The following CBFA2T3 variants were observed in gnomAD, a reference collection of about 807,000 sequenced individuals.
CBFA2T3 encodes the protein CBFA2/RUNX1 partner transcriptional co-repressor 3.
In CBFA2T3, 31 loss-of-function variants were observed where a neutral mutation model predicts 58.6. That is an observed-to-expected ratio of 0.53 (90% CI 0.40 to 0.71). CBFA2T3 has a LOEUF of 0.71. Ranked by LOEUF, CBFA2T3 falls within the 30% of genes least tolerant of loss-of-function variation. The pLI, the probability that CBFA2T3 is intolerant of heterozygous loss-of-function variation, is 0.00. For missense variants in CBFA2T3, 1,076 were observed against 963.1 expected, an observed-to-expected ratio of 1.12 and a Z score of -1.55; for synonymous variants, 531 against 421.9, an observed-to-expected ratio of 1.26 and a Z score of -3.17.
intron 1 of CBFA2T3, among the ~76,000 whole-genome samples, chr16:88,935,261 G>A (rs149525721): frequency 1.3e-5 from 2 of 152,198 alleles, no homozygotes; most frequent in Non-Finnish European, 2.9e-5. Context: ...TGTCCACTGC[G>A]CTCTGAGTAC....
chr16:88,896,453 G>C (rs769865018), intron 3 of CBFA2T3, among the ~76,000 whole-genome samples: 4 of 152,132 alleles, frequency 2.6e-5, no homozygotes, highest in Admixed American at 6.5e-5. Flanking sequence ...CCCTCTTCTG[G>C]GGGGACAGTG....
chr16:88,892,786 G>A (rs1031325947), intron 3 of CBFA2T3, among the ~76,000 whole-genome samples: 5 of 152,182 alleles, frequency 3.3e-5, no homozygotes, highest in East Asian at 1.9e-4. Context: ...TTTGCCCCAG[G>A]TCCCCAATGG....
rs1972134641 is a variant in CBFA2T3, at chr16:88,953,545, G to C, written c.151+23112C>G. On this transcript the variant is annotated intron_variant, in intron 1 of 11. Coordinates refer to ENST00000268679, the MANE Select transcript of CBFA2T3 (RefSeq NM_005187.6). The surrounding 1 kb of genome is among the most constrained non-coding windows in gnomAD (Gnocchi z 4.9). ...TGGGGAGGCTGGGGTTGAGCAGTGGGGATCAGGATCTGGCAGGATCGGAAT... is the reference window on the plus strand; with the variant it reads ...TGGGGAGGCTGGGGTTGAGCAGTGGCGATCAGGATCTGGCAGGATCGGAAT... Among the ~76,000 whole-genome samples, 1 of 147,378 alleles carries C rather than the reference G, an allele frequency of 6.8e-6. No individual in the cohort carries two copies. The highest frequency in any genetic ancestry group is 2.7e-5 in the African/African-American group (1 of 37,696).
At chr16:88,893,782 T>C (rs1253102064) in intron 3 of CBFA2T3, among the ~76,000 whole-genome samples, 1 of 152,178 alleles carries the variant, frequency 6.6e-6, no homozygotes, top group Non-Finnish European at 1.5e-5. Context: ...TCACCCCTTT[T>C]CTCAGGTGAC....
intron 1 of CBFA2T3, among the ~76,000 whole-genome samples, chr16:88,943,094 C>A (rs1012081860): frequency 6.6e-6 from 1 of 152,240 alleles, no homozygotes; most frequent in African/African-American, 2.4e-5. Context: ...AACATTCTGC[C>A]GGTGATAATC....
Position 88,875,137 on chromosome 16 carries a change from G to A in CBFA2T3, c.*1839C>T, listed in dbSNP as rs991573559. On this transcript the variant is annotated 3_prime_UTR_variant, in exon 12 of 12. Transcript: ENST00000268679. ...GCCACACACACAGATGCCAGGCCACGGGCCACGCCACGCACACAGATGCCA... is the reference window on the plus strand; with the variant it reads ...GCCACACACACAGATGCCAGGCCACAGGCCACGCCACGCACACAGATGCCA... The A allele has an allele frequency of 7.7e-5, 18 of 234,598 alleles. No homozygotes were observed. The highest frequency in any genetic ancestry group is 2.3e-4 in the Admixed American group (4 of 17,630). The allele number at this position is 234,598 out of a possible 1,614,324, so 14.5% of individuals were successfully genotyped here.
At chr16:88,967,964 A>G (rs551552437) in intron 1 of CBFA2T3, among the ~76,000 whole-genome samples, 1 of 152,336 alleles carries the variant, frequency 6.6e-6, no homozygotes, top group African/African-American at 2.4e-5. Flanking sequence ...GAATGTCACC[A>G]TTTTCACACA....
intron 1 of CBFA2T3, among the ~76,000 whole-genome samples, chr16:88,914,343 G>A (rs549059620): frequency 6.6e-5 from 10 of 152,216 alleles, no homozygotes; most frequent in East Asian, 3.8e-4. Context: ...GCCCATAGCC[G>A]TGTGCACGTG....
In CBFA2T3 at chr16:88,911,876, A is replaced by AC. The variant is rs546374259; in HGVS notation, c.152-10221dup. Among the ~76,000 whole-genome samples the AC allele has an allele frequency of 3.4e-4, 51 of 150,558 alleles. No homozygotes were observed. In the East Asian group the frequency reaches 3.5e-3, roughly 10 times the overall value. ...GGAGAGCCTCTGGGGCACAGTGAAG[A>AC]CCCCCCCTCCTGCCTCGCAGCTGTG... On this transcript the variant is annotated intron_variant, in intron 1 of 11. Coordinates refer to ENST00000268679, the MANE Select transcript of CBFA2T3 (RefSeq NM_005187.6).
chr16:88,946,743 A>G (rs1338348401), intron 1 of CBFA2T3, among the ~76,000 whole-genome samples: 4 of 151,962 alleles, frequency 2.6e-5, no homozygotes, highest in Non-Finnish European at 2.9e-5. Context: ...GGCCTCCCAC[A>G]GTGCTGGGAT....
chr16:88,925,088 C>A (rs552170027), intron 1 of CBFA2T3, among the ~76,000 whole-genome samples: 1 of 152,234 alleles, frequency 6.6e-6, no homozygotes, highest in Non-Finnish European at 1.5e-5. Context: ...GGGACCCGCC[C>A]GGAATCACAC....
chr16:88,897,644 G>C (rs11639852), intron 3 of CBFA2T3, among the ~76,000 whole-genome samples: 35 of 152,068 alleles, frequency 2.3e-4, no homozygotes, highest in African/African-American at 8.2e-4. Flanking sequence ...ACTGAGGCAC[G>C]GGGGGTGGTA....
intron 1 of CBFA2T3, among the ~76,000 whole-genome samples, chr16:88,969,591 G>T (rs1972597940): frequency 6.6e-6 from 1 of 152,230 alleles, no homozygotes; most frequent in Admixed American, 6.5e-5. Flanking sequence ...TCCCACCATG[G>T]TCGGGTCCAG....
chr16:88,876,945 G>A lies in CBFA2T3; in HGVS notation c.*31C>T, dbSNP rs1312314245. ...TGGAGCTGGGTGGGGTTGGCACGGTGCTGTGTCCGGCAGGCCAGGGGCCAG... is the reference window on the plus strand; with the variant it reads ...TGGAGCTGGGTGGGGTTGGCACGGTACTGTGTCCGGCAGGCCAGGGGCCAG... On this transcript the variant is annotated 3_prime_UTR_variant, in exon 12 of 12. Coordinates refer to ENST00000268679, the MANE Select transcript of CBFA2T3 (RefSeq NM_005187.6). 3 of 1,396,948 alleles carry A rather than the reference G, an allele frequency of 2.1e-6. No individual in the cohort carries two copies. Among genetic ancestry groups the A allele is most frequent in the East Asian group, 2.7e-5 (1 of 36,448 alleles). 86.5% of individuals were successfully genotyped at this position (1,396,948 alleles called of 1,614,324 possible). A position where few individuals can be genotyped will look rare whatever the true frequency, so the allele number is the denominator to read the frequency against.
chr16:88,940,947 G>A, intron 1 of CBFA2T3: 9 of 782,964 alleles, frequency 1.1e-5, no homozygotes, highest in Non-Finnish European at 1.4e-5. Flanking sequence ...CTGCGGCGCA[G>A]ATCCGGGAAC....
chr16:88,875,747 A>G lies in CBFA2T3; in HGVS notation c.*1229T>C. 1 of 233,522 alleles carries G rather than the reference A, an allele frequency of 4.3e-6. No individual in the cohort carries two copies. The highest frequency in any genetic ancestry group is 8.5e-6 in the Non-Finnish European group (1 of 118,038). 14.5% of individuals were successfully genotyped at this position (233,522 alleles called of 1,614,324 possible). A position where few individuals can be genotyped will look rare whatever the true frequency, so the allele number is the denominator to read the frequency against. ...ATGCTCGAAAAGCAGTCGAGAATCA[A>G]CCCAAAAGATTGTCACAGTTTTGTT... On this transcript the variant is annotated 3_prime_UTR_variant, in exon 12 of 12. Coordinates refer to ENST00000268679, the MANE Select transcript of CBFA2T3 (RefSeq NM_005187.6).
At chr16:88,951,978 G>A (rs951987499) in intron 1 of CBFA2T3, among the ~76,000 whole-genome samples, 2 of 152,136 alleles carry the variant, frequency 1.3e-5, no homozygotes, top group East Asian at 1.9e-4. Context: ...TCTGTCACTC[G>A]CAGCTGCAGC....
At chr16:88,900,566 G>T (rs1217217765) in intron 2 of CBFA2T3, among the ~76,000 whole-genome samples, 1 of 152,290 alleles carries the variant, frequency 6.6e-6, no homozygotes, top group Non-Finnish European at 1.5e-5. Context: ...GAAGTCTCAG[G>T]CTCCCCGCCC....
In CBFA2T3 at chr16:88,882,682, G is replaced by A. The variant is rs1449005892; in HGVS notation, c.1197C>T (p.Leu399=). 3 of 1,581,000 alleles carry A rather than the reference G, an allele frequency of 1.9e-6. No homozygotes were observed. The highest frequency in any genetic ancestry group is 1.2e-5 in the South Asian group (1 of 86,768). The change falls in exon 8 of 12, where the codon CTC becomes CTT. Residue 399 remains leucine, a synonymous_variant. Transcript: ENST00000268679. ...GCTGTGTGTGGACACTCACGTTGTT[G>A]AGGTGCTTCCACTCTTCTGCCCACT... ...EREWAEEWKH[L]NNLLNCIMDM... is the part of the protein sequence containing the mutation.
Sources: allele counts gnomAD v4.1 joint callset (sites outside exome capture counted in the v4.1 genomes callset), GRCh38; gene constraint gnomAD v4.1.1; non-coding constraint Gnocchi (gnomAD v3.1); transcripts MANE v1.5; gene names NCBI Gene and HGNC (gene_info 2026-07-23, HGNC 2026-07-21).